Variants in NLRP2 observed in about 807,000 individuals in gnomAD.
The protein encoded by NLRP2 is NACHT, LRR and PYD domains-containing protein 2.
In NLRP2, 107 loss-of-function variants were observed where a neutral mutation model predicts 97.2. The observed-to-expected ratio is 1.10, with a 90% CI of 0.94 to 1.29. NLRP2 has a LOEUF of 1.29. NLRP2 is among the 50% of genes most tolerant of loss of function. NLRP2 has a pLI of 0.00. For missense variants in NLRP2, 1,495 were observed against 1,330.3 expected, an observed-to-expected ratio of 1.12 and a Z score of -1.93; for synonymous variants, 663 against 551.5, an observed-to-expected ratio of 1.20 and a Z score of -2.83.
intron 12 of NLRP2, among the ~76,000 whole-genome samples, chr19:54,997,770 T>C (rs61005487): frequency 0.11 from 17,362 of 151,434 alleles, 1,258 homozygotes; most frequent in Middle Eastern, 0.3. Flanking sequence ...TTTTTTTTTT[T>C]TCCTTTGAGG....
At chr19:54,996,036 T>TAAA (rs2072789729) in intron 11 of NLRP2, among the ~76,000 whole-genome samples, 3 of 63,718 alleles carry the variant, frequency 4.7e-5, no homozygotes, top group Non-Finnish European at 1.0e-4. Flanking sequence ...AGATCCTGTC[T>TAAA]CAAAAAAAAA....
chr19:54,983,911 C>T (rs1447181254), intron 6 of NLRP2, among the ~76,000 whole-genome samples, 183 bp downstream of exon 6: 1 of 152,052 alleles, frequency 6.6e-6, no homozygotes, highest in East Asian at 1.9e-4. Flanking sequence ...AGCGCAGTGG[C>T]GCGATCTTGG....
intron 3 of NLRP2, among the ~76,000 whole-genome samples, chr19:54,976,053 A>G (rs1253574714): frequency 7.6e-6 from 1 of 131,312 alleles, no homozygotes; most frequent in Non-Finnish European, 1.6e-5. Context: ...CTGGCCATGA[A>G]GACTTTTTTT....
intron 8 of NLRP2, chr19:54,989,568 G>A (rs1405037778): frequency 4.1e-6 from 1 of 245,134 alleles, no homozygotes; most frequent in African/African-American, 2.2e-5. Flanking sequence ...TGATTCCTGG[G>A]CGATGTTGGT....
At chr19:54,984,952 A>G (rs912346130) in intron 6 of NLRP2, 95 bp from the exon 7 acceptor site, 2 of 1,139,160 alleles carry the variant, frequency 1.8e-6, no homozygotes, top group Non-Finnish European at 2.6e-6. Context: ...TTTCAATTGT[A>G]CTCATTTGTC....
At chr19:54,985,310 C>T in intron 7 of NLRP2, 93 bp downstream of exon 7, 3 of 1,168,728 alleles carry the variant, frequency 2.6e-6, no homozygotes, top group Non-Finnish European at 3.8e-6. Context: ...CTGTACTAGA[C>T]TCTTAAGTGC....
At chr19:54,985,238 G>C (rs1000782110) in intron 7 of NLRP2, 21 bp downstream of exon 7, 3 of 1,609,144 alleles carry the variant, frequency 1.9e-6, no homozygotes, top group Non-Finnish European at 2.6e-6. Flanking sequence ...ACTAATTCAT[G>C]AACTCAAATC....
At chr19:54,977,076 G>A (rs1025360433) in intron 3 of NLRP2, 1 of 293,868 alleles carries the variant, frequency 3.4e-6, no homozygotes, top group Non-Finnish European at 6.6e-6. Context: ...GCCTCCCAAA[G>A]TGTTGGGTTA....
At chr19:54,996,692 A>T (rs73609940) in intron 11 of NLRP2, among the ~76,000 whole-genome samples, 1 of 151,564 alleles carries the variant, frequency 6.6e-6, no homozygotes, top group Non-Finnish European at 1.5e-5. Flanking sequence ...TGGATGTTCT[A>T]TTTTACGTGT....
At chr19:54,999,042 A>ACCCCCCCAACCTCCCCGGACG (rs1337867779) in intron 12 of NLRP2, among the ~76,000 whole-genome samples, 70 of 136,198 alleles carry the variant, frequency 5.1e-4, no homozygotes, top group African/African-American at 1.8e-3. Flanking sequence ...CCTCCCGGAC[A>ACCCCCCCAACCTCCCCGGACG]GGGCGGCTGG....
chr19:54,973,721 C>G (rs183647564), intron 2 of NLRP2: 1 of 424,784 alleles, frequency 2.4e-6, no homozygotes. Context: ...AGTTTGAAAA[C>G]GGCAGGAGGA....
At chr19:54,988,730 G>A (rs1029332336) in intron 8 of NLRP2, among the ~76,000 whole-genome samples, 7 of 152,110 alleles carry the variant, frequency 4.6e-5, no homozygotes, top group South Asian at 4.1e-4. Context: ...ATGTTGTTCC[G>A]GCTGGTCTTA....
At position 54,983,457 on chromosome 19, in the gene NLRP2, C is replaced by G; in HGVS notation, c.1759C>G (p.Arg587Gly). The G allele has an allele frequency of 6.2e-7, 1 of 1,614,158 alleles. No homozygotes were observed. Among genetic ancestry groups the G allele is most frequent in the African/African-American group, 1.3e-5 (1 of 75,038 alleles). The change falls in exon 6 of 13, where the codon CGA becomes GGA. Residue 587 changes from arginine (R) to glycine (G), a missense_variant. Transcript: ENST00000448584. ...ACCGGACATCAAACAGGAATTGCTG[C>G]GATGCGACATAAGTTGTAAGGGTGG... ...MSPDIKQELLRCDISCKGGHS... is the reference protein window; with the variant it reads ...MSPDIKQELLGCDISCKGGHS...
intron 8 of NLRP2, among the ~76,000 whole-genome samples, chr19:54,986,614 G>A (rs1415939028): frequency 6.6e-6 from 1 of 150,646 alleles, no homozygotes; most frequent in Admixed American, 6.6e-5. Context: ...GCAATGGCAC[G>A]ATCTTGGCTC....
intron 7 of NLRP2, 45 bp from the exon 8 acceptor site, chr19:54,986,106 C>T (rs1368053476): frequency 2.3e-6 from 3 of 1,284,184 alleles, no homozygotes; most frequent in Admixed American, 1.7e-5. Flanking sequence ...AAGTACGATA[C>T]AGGTGTACAC....
chr19:54,984,333 T>TTTTTTG (rs2071891502), intron 6 of NLRP2, among the ~76,000 whole-genome samples: 2 of 101,676 alleles, frequency 2.0e-5, no homozygotes, highest in African/African-American at 1.2e-4. Context: ...TTTTGTGTTT[T>TTTTTTG]TTTTTTTTTT....
chr19:54,970,397 T>TCC (rs2070771379), intron 2 of NLRP2, 102 bp downstream of exon 2: 1 of 1,416,816 alleles, frequency 7.1e-7, no homozygotes, highest in African/African-American at 1.4e-5. Context: ...ACGCCTGTCG[T>TCC]CCCAGCCCTT....
At chr19:54,987,330 G>T (rs76321755) in intron 8 of NLRP2, among the ~76,000 whole-genome samples, 182 of 152,252 alleles carry the variant, frequency 1.2e-3, no homozygotes, top group African/African-American at 3.9e-3. Flanking sequence ...TTTTCTGTTA[G>T]TCCTCTGGTT....
intron 2 of NLRP2, chr19:54,973,864 C>T (rs1290722494): frequency 3.1e-6 from 2 of 644,206 alleles, no homozygotes; most frequent in Non-Finnish European, 3.0e-6. Flanking sequence ...AGAAGTGTGG[C>T]AAGCACCACC....
Sources: allele counts gnomAD v4.1 joint callset (sites outside exome capture counted in the v4.1 genomes callset), GRCh38; gene constraint gnomAD v4.1.1; transcripts MANE v1.5; gene names NCBI Gene and HGNC (gene_info 2026-07-23, HGNC 2026-07-21).